Variants in C3orf49 observed in about 807,000 individuals in gnomAD.
The protein encoded by C3orf49 is putative uncharacterized protein C3orf49.
Under a neutral mutation model 13.3 loss-of-function variants are expected in C3orf49, and 27 were observed. That is an observed-to-expected ratio of 2.02 (90% CI 1.49 to 2.79). The LOEUF is 2.79. Among genes scored for constraint, C3orf49 ranks in the 30% most tolerant of loss-of-function variants. The pLI, the probability that C3orf49 is intolerant of heterozygous loss-of-function variation, is 0.00. For synonymous variants in C3orf49, 87 were observed against 47.6 expected (o/e 1.83, Z -3.40); for missense variants, 242 against 134.2 (o/e 1.80, Z -3.97).
the C3orf49 span, among the ~76,000 whole-genome samples, chr3:63,795,154 C>T: frequency 6.6e-6 from 1 of 152,050 alleles, no homozygotes; most frequent in Non-Finnish European, 1.5e-5. Flanking sequence ...TTTTTGCAAC[C>T]AATCAGATGT....
At chr3:63,791,916 T>C in the C3orf49 span, among the ~76,000 whole-genome samples, 1 of 152,230 alleles carries the variant, frequency 6.6e-6, no homozygotes, top group African/African-American at 2.4e-5. Flanking sequence ...TGCTAACTGA[T>C]GCCAGATCTT....
At chr3:63,841,196 G>A (rs1002775844) in intron 5 of C3orf49, among the ~76,000 whole-genome samples, 1 of 152,144 alleles carries the variant, frequency 6.6e-6, no homozygotes, top group Non-Finnish European at 1.5e-5. Context: ...CATATGTGTG[G>A]AAAAAGGAGG....
chr3:63,808,491 C>T, the C3orf49 span, among the ~76,000 whole-genome samples: 1 of 152,182 alleles, frequency 6.6e-6, no homozygotes, highest in Non-Finnish European at 1.5e-5. Context: ...TCTTCTTTCT[C>T]TCTCTTTTAT....
intron 6 of C3orf49, among the ~76,000 whole-genome samples, chr3:63,845,925 G>T (rs1701883504): frequency 6.6e-6 from 1 of 152,160 alleles, no homozygotes; most frequent in Non-Finnish European, 1.5e-5. Flanking sequence ...TGTTCCACAT[G>T]AAAAAGACTA....
At chr3:63,805,582 T>C in the C3orf49 span, among the ~76,000 whole-genome samples, 1 of 152,252 alleles carries the variant, frequency 6.6e-6, no homozygotes, top group Non-Finnish European at 1.5e-5. Flanking sequence ...CCTTTCTCTT[T>C]GTTCCTCAGG....
chr3:63,821,784 G>A (rs780855261), intron 1 of C3orf49, among the ~76,000 whole-genome samples: 2 of 151,956 alleles, frequency 1.3e-5, no homozygotes, highest in Non-Finnish European at 2.9e-5. Flanking sequence ...CGTAGATGCC[G>A]GTTTAAGAAA....
intron 5 of C3orf49, among the ~76,000 whole-genome samples, chr3:63,842,586 A>G (rs1022423349): frequency 1.3e-5 from 2 of 152,194 alleles, no homozygotes; most frequent in African/African-American, 4.8e-5. Flanking sequence ...TTCTAAGTGA[A>G]GTAACTCAGG....
the C3orf49 span, among the ~76,000 whole-genome samples, chr3:63,811,285 G>A: frequency 4.7e-5 from 7 of 149,034 alleles, no homozygotes; most frequent in Non-Finnish European, 7.4e-5. Context: ...ACGGCCAGGC[G>A]AGGTGCCTCG....
At chr3:63,805,801 T>G in the C3orf49 span, among the ~76,000 whole-genome samples, 3 of 152,066 alleles carry the variant, frequency 2.0e-5, no homozygotes, top group East Asian at 5.8e-4. Flanking sequence ...GGAAATAGTA[T>G]CTCTATTACT....
At chr3:63,839,646 A>G (rs924763835) in intron 5 of C3orf49, 13 of 1,609,224 alleles carry the variant, frequency 8.1e-6, no homozygotes, top group Non-Finnish European at 1.0e-5. Flanking sequence ...CAACAGTGAA[A>G]ATGAAATACC....
At chr3:63,787,800 A>T in the C3orf49 span, among the ~76,000 whole-genome samples, 8 of 152,150 alleles carry the variant, frequency 5.3e-5, no homozygotes, top group Non-Finnish European at 8.8e-5. Context: ...GAAATATTTG[A>T]GCCACAAAAT....
intron 3 of C3orf49, among the ~76,000 whole-genome samples, chr3:63,828,225 A>G (rs1701491092): frequency 6.6e-6 from 1 of 152,208 alleles, no homozygotes; most frequent in African/African-American, 2.4e-5. Flanking sequence ...TACAACACAG[A>G]CAGTGCAGCG....
upstream of C3orf49, among the ~76,000 whole-genome samples, chr3:63,816,163 A>C (rs371752277): frequency 1.3e-5 from 2 of 148,314 alleles, no homozygotes; most frequent in African/African-American, 5.0e-5. Context: ...GTCTCATAGC[A>C]TACTTTGTCA....
the C3orf49 span, among the ~76,000 whole-genome samples, chr3:63,780,164 C>T: frequency 3.9e-5 from 6 of 152,110 alleles, no homozygotes; most frequent in African/African-American, 7.2e-5. Flanking sequence ...AAAAAGGCCC[C>T]GGTGTGTGAT....
chr3:63,839,792 A>G (rs1701719429), intron 5 of C3orf49: 2 of 1,601,866 alleles, frequency 1.2e-6, no homozygotes, highest in Non-Finnish European at 1.7e-6. Flanking sequence ...AAGAAGGGCA[A>G]TGTTACCATC....
At chr3:63,783,848 C>T in the C3orf49 span, among the ~76,000 whole-genome samples, 1 of 152,060 alleles carries the variant, frequency 6.6e-6, no homozygotes, top group Admixed American at 6.6e-5. Flanking sequence ...TGTGGTCTAG[C>T]TGAATGCTGG....
At chr3:63,839,842 C>T (rs966115133) in intron 5 of C3orf49, 5 of 1,269,378 alleles carry the variant, frequency 3.9e-6, no homozygotes, top group Non-Finnish European at 4.5e-6. Flanking sequence ...ACCAGTATCA[C>T]TGTTCATTTG....
At chr3:63,791,440 A>G in the C3orf49 span, among the ~76,000 whole-genome samples, 1 of 152,312 alleles carries the variant, frequency 6.6e-6, no homozygotes, top group South Asian at 2.1e-4. Flanking sequence ...AGAGCATTGT[A>G]CTGAGAGAAA....
chr3:63,829,631 A>G (rs1223723424), intron 3 of C3orf49, among the ~76,000 whole-genome samples: 8 of 152,158 alleles, frequency 5.3e-5, no homozygotes, highest in Non-Finnish European at 1.2e-4. Context: ...CTAGCTATAA[A>G]AATGTTTTGT....
Sources: gnomAD v4.1 joint callset for allele counts (sites outside exome capture counted in the v4.1 genomes callset) on GRCh38, gnomAD v4.1.1 for gene constraint, MANE v1.5 for transcripts, NCBI Gene and HGNC (gene_info 2026-07-23, HGNC 2026-07-21) for gene names.